The following CDK5RAP2 variants were observed in gnomAD, a reference collection of about 807,000 sequenced individuals.
The protein encoded by CDK5RAP2 is CDK5 regulatory subunit associated protein 2.
Under a neutral mutation model 232.9 loss-of-function variants are expected in CDK5RAP2, and 147 were observed. The observed-to-expected ratio is 0.63, with a 90% CI of 0.55 to 0.72. The LOEUF is 0.72. CDK5RAP2 is among the 30% of genes least tolerant of loss of function. CDK5RAP2 has a pLI of 0.00. For synonymous variants in CDK5RAP2, 833 were observed against 833.7 expected (o/e 1.00, Z 0.01); for missense variants, 2,195 against 2,231.5 (o/e 0.98, Z 0.33).
rs754654277 is a variant in CDK5RAP2, at chr9:120,458,681, GGA to G, written c.2203-61_2203-60del. 77 of 1,508,846 alleles carry G rather than the reference GGA, an allele frequency of 5.1e-5. 1 individual carries two copies. Among genetic ancestry groups the G allele is most frequent in the Non-Finnish European group, 3.5e-5 (38 of 1,085,658 alleles). The allele number at this position is 1,508,846 out of a possible 1,614,324, so 93.5% of individuals were successfully genotyped here. On this transcript the variant is annotated intron_variant, in intron 19 of 37. Transcript: ENST00000349780. ...TAAGGAGGAAGGGAATGGGGTGTGTGGAGAGAGGATGGAGATGCAGGGTAAGT... is the reference window on the plus strand; with the variant it reads ...TAAGGAGGAAGGGAATGGGGTGTGTGGAGAGGATGGAGATGCAGGGTAAGT...
intron 3 of CDK5RAP2, among the ~76,000 whole-genome samples, chr9:120,557,827 C>T (rs2042292233): frequency 6.8e-6 from 1 of 145,992 alleles, no homozygotes; most frequent in African/African-American, 2.5e-5. Flanking sequence ...TGCAGTGGTG[C>T]AATCTCGGCT....
At position 120,439,927 on chromosome 9, in the gene CDK5RAP2, C is replaced by T. The variant is rs777420257; in HGVS notation, c.3194G>A (p.Cys1065Tyr). Residue 1065 changes from cysteine to tyrosine, a missense_variant, in exon 24 of 38, where the codon TGC becomes TAC. Cys to Tyr is a radical substitution (Grantham distance 194, BLOSUM62 -2). Transcript: ENST00000349780. ...CAGAACATCTTCAGGATTTTCTTTG[C>T]ATGATGGCAAGCTGGCAAGGTCATC... ...PPDDLASLPSCKENPEDVLSP... is the reference protein window; with the variant it reads ...PPDDLASLPSYKENPEDVLSP... 93 of 1,614,020 alleles carry T rather than the reference C, an allele frequency of 5.8e-5. No homozygotes were observed. Among genetic ancestry groups the T allele is most frequent in the Non-Finnish European group, 7.5e-5 (89 of 1,180,024 alleles).
intron 12 of CDK5RAP2, among the ~76,000 whole-genome samples, chr9:120,502,015 C>A (rs1324105161): frequency 6.6e-6 from 1 of 152,190 alleles, no homozygotes; most frequent in Non-Finnish European, 1.5e-5. Flanking sequence ...AGATCACAGT[C>A]ACCAAGGGAC....
chr9:120,397,544 T>TAAAAAAAAAAAAAAAAAAAA (rs760469422), intron 35 of CDK5RAP2, among the ~76,000 whole-genome samples: 33 of 48,696 alleles, frequency 6.8e-4, no homozygotes, highest in Admixed American at 1.1e-3. Flanking sequence ...AAAACATTCT[T>TAAAAAAAAAAAAAAAAAAAA]AAAAAAAAAA....
intron 3 of CDK5RAP2, among the ~76,000 whole-genome samples, chr9:120,558,371 CAAAAAAAA>C (rs60669308): frequency 8.2e-3 from 330 of 40,062 alleles, no homozygotes; most frequent in Non-Finnish European, 0.011. Flanking sequence ...GACTCCGTCT[CAAAAAAAA>C]AAAAAAAAAA....
At chr9:120,575,041 A>G (rs114426628) in intron 1 of CDK5RAP2, among the ~76,000 whole-genome samples, 1,599 of 151,974 alleles carry the variant, frequency 0.011, 31 homozygotes, top group African/African-American at 0.037. Context: ...CACAGCCATC[A>G]TAACGACTGT....
At chr9:120,533,561 A>G (rs2041248911) in intron 7 of CDK5RAP2, among the ~76,000 whole-genome samples, 1 of 152,032 alleles carries the variant, frequency 6.6e-6, no homozygotes, top group Admixed American at 6.6e-5. Flanking sequence ...GCACTTTGAG[A>G]GGCCGGCAAA....
At chr9:120,477,565 G>C in intron 14 of CDK5RAP2, 115 bp from the exon 15 acceptor site, 1 of 826,978 alleles carries the variant, frequency 1.2e-6, no homozygotes, top group Non-Finnish European at 2.0e-6. Flanking sequence ...GAAGGTGAGA[G>C]AGGCCCTGTG....
chr9:120,517,733 T>C (rs954552840), intron 12 of CDK5RAP2: 5 of 189,260 alleles, frequency 2.6e-5, no homozygotes, highest in African/African-American at 9.3e-5. Context: ...AAAATATTCA[T>C]ACTCTTTGGC....
At chr9:120,520,371 A>G (rs7849597) in intron 11 of CDK5RAP2, among the ~76,000 whole-genome samples, 148,140 of 152,178 alleles carry the variant, frequency 0.97, 72,202 homozygotes, top group East Asian at 1. Context: ...GCTGGGCGTG[A>G]TGGCTCACTC....
intron 5 of CDK5RAP2, among the ~76,000 whole-genome samples, chr9:120,540,861 G>A (rs1177787663): frequency 6.6e-6 from 1 of 152,258 alleles, no homozygotes; most frequent in Non-Finnish European, 1.5e-5. Flanking sequence ...GGCTCCTGCT[G>A]AGCAGCATGC....
chr9:120,540,666 G>A (rs1005818152), intron 5 of CDK5RAP2, among the ~76,000 whole-genome samples: 3 of 152,200 alleles, frequency 2.0e-5, no homozygotes, highest in Non-Finnish European at 4.4e-5. Flanking sequence ...ACTCTATTAT[G>A]TCCTCAGTGG....
chr9:120,560,268 G>A (rs914274612), intron 3 of CDK5RAP2, among the ~76,000 whole-genome samples: 1 of 152,242 alleles, frequency 6.6e-6, no homozygotes, highest in Non-Finnish European at 1.5e-5. Flanking sequence ...TCACAGGGGT[G>A]TTGTGACAAC....
intron 12 of CDK5RAP2, among the ~76,000 whole-genome samples, chr9:120,492,735 A>G (rs1189514873): frequency 6.6e-6 from 1 of 152,216 alleles, no homozygotes; most frequent in African/African-American, 2.4e-5. Flanking sequence ...TAATCATGTT[A>G]TAAGTAATGA....
chr9:120,485,746 G>A (rs943409546), intron 14 of CDK5RAP2, among the ~76,000 whole-genome samples: 2 of 152,176 alleles, frequency 1.3e-5, no homozygotes, highest in African/African-American at 4.8e-5. Flanking sequence ...GCCAACTAAA[G>A]TTGGTCAAAA....
Position 120,514,107 on chromosome 9 carries a change from T to C in CDK5RAP2, c.1311+4320A>G, listed in dbSNP as rs554884843. Among the ~76,000 whole-genome samples, 6 of 152,260 alleles carry C rather than the reference T, an allele frequency of 3.9e-5. No individual in the cohort carries two copies. In the South Asian group the frequency reaches 1.2e-3, roughly 32 times the overall value. ...CAAAAGTTAACTAGAGATACAACTG[T>C]GATGCAACATCTGTGCAAAAAAAGG... On this transcript the variant is annotated intron_variant, in intron 12 of 37. Coordinates refer to ENST00000349780, the MANE Select transcript of CDK5RAP2 (RefSeq NM_018249.6).
chr9:120,572,110 G>C (rs1002647182), intron 1 of CDK5RAP2, 69 bp from the exon 2 acceptor site: 1 of 1,153,544 alleles, frequency 8.7e-7, no homozygotes, highest in Non-Finnish European at 1.3e-6. Context: ...AGACGGTCTG[G>C]ACTGCACATG....
At chr9:120,543,611 T>G (rs1042810083) in intron 5 of CDK5RAP2, among the ~76,000 whole-genome samples, 1 of 152,094 alleles carries the variant, frequency 6.6e-6, no homozygotes, top group Non-Finnish European at 1.5e-5. Context: ...GTAATCCCAG[T>G]ACTTTGGGAG....
At chr9:120,481,968 T>C (rs574044573) in intron 14 of CDK5RAP2, among the ~76,000 whole-genome samples, 2 of 152,340 alleles carry the variant, frequency 1.3e-5, no homozygotes, top group East Asian at 3.9e-4. Context: ...CTATTATTCT[T>C]ATGCTCCAAG....
Sources: allele counts gnomAD v4.1 joint callset (sites outside exome capture counted in the v4.1 genomes callset), GRCh38; gene constraint gnomAD v4.1.1; transcripts MANE v1.5; gene names NCBI Gene and HGNC (gene_info 2026-07-23, HGNC 2026-07-21).